The following LIN54 variants were observed in gnomAD, a reference collection of about 807,000 sequenced individuals.
LIN54 encodes the protein lin-54 DREAM MuvB core complex component, also known as protein lin-54 homolog.
A neutral mutation model predicts 78.7 loss-of-function variants in LIN54; 9 were observed. That is an observed-to-expected ratio of 0.11 (90% CI 0.07 to 0.20). The LOEUF (loss-of-function observed/expected upper bound fraction) is 0.20, where lower values mean the gene tolerates loss of function less well. LIN54 is among the 10% of genes least tolerant of loss of function. LIN54 has a pLI of 1.00. For synonymous variants in LIN54, 269 were observed against 318.4 expected (o/e 0.84, Z 1.65); for missense variants, 573 against 889.9 (o/e 0.64, Z 4.53).
chr4:82,993,218 CTT>C (rs200555092), intron 1 of LIN54, among the ~76,000 whole-genome samples: 2 of 128,282 alleles, frequency 1.6e-5, no homozygotes, highest in Non-Finnish European at 1.6e-5. Flanking sequence ...TTTCTAGAAT[CTT>C]TTTTTTTTTT....
chr4:82,981,255 A>G (rs1298166091), intron 2 of LIN54, among the ~76,000 whole-genome samples: 1 of 152,218 alleles, frequency 6.6e-6, no homozygotes, highest in Non-Finnish European at 1.5e-5. Context: ...ATATTGTTCC[A>G]GACTGCTAGT....
chr4:82,998,183 T>C (rs1728403520), intron 1 of LIN54, among the ~76,000 whole-genome samples: 1 of 151,664 alleles, frequency 6.6e-6, no homozygotes, highest in African/African-American at 2.4e-5. Context: ...CTGTTTTCAT[T>C]CTTGTACATA....
At chr4:82,937,690 G>A (rs13134274) in intron 8 of LIN54, among the ~76,000 whole-genome samples, 28,054 of 152,170 alleles carry the variant, frequency 0.18, 2,770 homozygotes, top group South Asian at 0.32. Context: ...AAGCAGTGAG[G>A]AAAAGGAGTG....
At chr4:82,958,401 T>C (rs1213496186) in intron 4 of LIN54, among the ~76,000 whole-genome samples, 5 of 152,300 alleles carry the variant, frequency 3.3e-5, no homozygotes, top group Admixed American at 1.3e-4. Context: ...GGATGCAATA[T>C]GCATACTTCC....
intron 1 of LIN54, among the ~76,000 whole-genome samples, chr4:83,007,901 A>G (rs1283354189): frequency 4.0e-5 from 6 of 151,868 alleles, no homozygotes; most frequent in Non-Finnish European, 7.4e-5. Flanking sequence ...AAAAAAAAAA[A>G]TTCTATCAAA....
At chr4:82,943,595 AAG>A (rs916000691) in intron 5 of LIN54, among the ~76,000 whole-genome samples, 9 of 152,286 alleles carry the variant, frequency 5.9e-5, no homozygotes, top group African/African-American at 2.2e-4. Flanking sequence ...CAGAGACAAA[AAG>A]AGAAAAATAT....
At position 83,000,827 on chromosome 4, in the gene LIN54, C is replaced by CTTTTTTTCTTTTTTTTTTTTTTT. The variant is rs528409899; in HGVS notation, c.-33+9656_-33+9657insAAAAAAAAAAAAAAAGAAAAAAA. 9.1e-5 allele frequency among the ~76,000 whole-genome samples: 11 copies of CTTTTTTTCTTTTTTTTTTTTTTT among 120,524 alleles called. 2 individuals are homozygous for CTTTTTTTCTTTTTTTTTTTTTTT. The highest frequency in any genetic ancestry group is 1.3e-4 in the African/African-American group (4 of 30,972). 79.1% of individuals were successfully genotyped at this position (120,524 alleles called of 152,430 possible). On this transcript the variant is annotated intron_variant, in intron 1 of 12. Coordinates refer to ENST00000340417, the MANE Select transcript of LIN54 (RefSeq NM_194282.4). ...GCCATCAAGCCCAAAGCAATAAATTCTTTTTTTTTTTTTGGAGATAGAGTC... is the reference window on the plus strand; with the variant it reads ...GCCATCAAGCCCAAAGCAATAAATTCTTTTTTTCTTTTTTTTTTTTTTTTTTTTTTTTTTTTGGAGATAGAGTC...
chr4:82,956,595 A>G (rs1387891567), intron 4 of LIN54, among the ~76,000 whole-genome samples: 1 of 152,194 alleles, frequency 6.6e-6, no homozygotes. Flanking sequence ...TGCCTGGGTG[A>G]CAGAATAAGA....
At chr4:82,960,321 G>GTTAATTTTAAAATTT (rs142338167) in intron 4 of LIN54, among the ~76,000 whole-genome samples, 1 of 151,898 alleles carries the variant, frequency 6.6e-6, no homozygotes, top group Admixed American at 6.6e-5. Context: ...CACACCAGCG[G>GTTAATTTTAAAATTT]TGTGTAGAGT....
chr4:82,969,433 T>C (rs958628465), intron 4 of LIN54, among the ~76,000 whole-genome samples: 3 of 152,246 alleles, frequency 2.0e-5, no homozygotes, highest in African/African-American at 7.2e-5. Context: ...ATGGCACAGT[T>C]ACCCTCAAAT....
At chr4:82,965,170 C>A (rs1725105313) in intron 4 of LIN54, among the ~76,000 whole-genome samples, 1 of 151,944 alleles carries the variant, frequency 6.6e-6, no homozygotes, top group Non-Finnish European at 1.5e-5. Flanking sequence ...AAGATAACAG[C>A]ATTGCTAAAA....
At chr4:82,949,784 A>T (rs1723706732) in intron 4 of LIN54, among the ~76,000 whole-genome samples, 3 of 144,754 alleles carry the variant, frequency 2.1e-5, no homozygotes, top group Admixed American at 6.9e-5. Context: ...CTGCCTTTTC[A>T]TTTTATCATT....
chr4:82,986,634 G>A (rs1351108441), intron 1 of LIN54, among the ~76,000 whole-genome samples: 2 of 147,866 alleles, frequency 1.4e-5, no homozygotes, highest in Non-Finnish European at 1.5e-5. Flanking sequence ...AACCTGGGAG[G>A]CAGAGGTTGC....
At chr4:82,996,543 C>A (rs888651592) in intron 1 of LIN54, among the ~76,000 whole-genome samples, 15 of 151,912 alleles carry the variant, frequency 9.9e-5, no homozygotes, top group African/African-American at 3.6e-4. Context: ...GTATCTGGGA[C>A]TACGAGCATG....
At chr4:82,986,064 T>A (rs1727103613) in intron 1 of LIN54, among the ~76,000 whole-genome samples, 1 of 152,192 alleles carries the variant, frequency 6.6e-6, no homozygotes, top group African/African-American at 2.4e-5. Context: ...CAGTGAGTTA[T>A]TTGCCCAGAG....
At chr4:83,007,087 C>T (rs551396383) in intron 1 of LIN54, among the ~76,000 whole-genome samples, 2 of 151,962 alleles carry the variant, frequency 1.3e-5, no homozygotes, top group Non-Finnish European at 2.9e-5. Flanking sequence ...CTGCAGTGAG[C>T]GGAGATCACA....
chr4:82,986,598 G>T (rs1727161895), intron 1 of LIN54, among the ~76,000 whole-genome samples: 1 of 151,022 alleles, frequency 6.6e-6, no homozygotes, highest in African/African-American at 2.4e-5. Flanking sequence ...CAGCTACTCA[G>T]GAGGCTGAGG....
chr4:82,930,798 CCTTTA>C, intron 12 of LIN54, 140 bp downstream of exon 12: 2 of 694,036 alleles, frequency 2.9e-6, no homozygotes, highest in South Asian at 3.8e-5. Context: ...CCTTTAAATT[CCTTTA>C]CAAGTAACTA....
chr4:82,950,928 A>G (rs1287143485), intron 4 of LIN54, among the ~76,000 whole-genome samples: 1 of 152,192 alleles, frequency 6.6e-6, no homozygotes, highest in Admixed American at 6.5e-5. Flanking sequence ...TGATTTTGAT[A>G]CGTATTTGTA....
Sources: allele counts gnomAD v4.1 joint callset (sites outside exome capture counted in the v4.1 genomes callset), GRCh38; gene constraint gnomAD v4.1.1; transcripts MANE v1.5; gene names NCBI Gene and HGNC (gene_info 2026-07-23, HGNC 2026-07-21).